The following PCDHA9 variants were observed in gnomAD, a reference collection of about 807,000 sequenced individuals.
The protein encoded by PCDHA9 is protocadherin alpha-9.
In PCDHA9, 62 loss-of-function variants were observed where a neutral mutation model predicts 62.0. The observed-to-expected ratio is 1.00, with a 90% CI of 0.81 to 1.23. PCDHA9 has a LOEUF of 1.23. PCDHA9 is among the 50% of genes most tolerant of loss of function. PCDHA9 has a pLI of 0.00. For missense variants in PCDHA9, 1,205 were observed against 1,249.8 expected (o/e 0.96, Z 0.54); for synonymous variants, 557 against 567.6 (o/e 0.98, Z 0.27).
rs557764399 is a variant in PCDHA9, at chr5:140,865,245, G to A, written c.2394+14356G>A. On this transcript the variant is annotated intron_variant, in intron 1 of 3. Coordinates refer to ENST00000532602, the MANE Select transcript of PCDHA9 (RefSeq NM_031857.2). ...GGATCCCAGAGAACACGTATTTATA[G>A]CTGTAAGGATGTGTATCAAATTATA... The A allele has an allele frequency of 1.1e-3, 171 of 152,250 alleles. 2 individuals are homozygous for A. The highest frequency in any genetic ancestry group is 3.6e-3 in the African/African-American group (148 of 41,542). 9.4% of individuals were successfully genotyped at this position (152,250 alleles called of 1,614,324 possible).
chr5:140,848,579 C>A lies in PCDHA9; in HGVS notation c.84C>A (p.Ser28Arg), dbSNP rs2150413279. Reference sequence around the variant, plus strand: ...TCCTCGCAATGTGGGTGGTGGGGAGCGGCCAGCTCCACTACTCCGTCCCGG... The same window carrying A: ...TCCTCGCAATGTGGGTGGTGGGGAGAGGCCAGCTCCACTACTCCGTCCCGG... ...LLILAMWVVG[S>R]GQLHYSVPEE... is the part of the protein sequence containing the mutation. The change falls in exon 1 of 4, where the codon AGC (serine) becomes AGA (arginine). Residue 28 changes from serine (S) to arginine (R), a missense_variant. Around this residue, in one of 3 missense-constraint regions of PCDHA9, gnomAD observed 208 missense variants for 213.2 expected, o/e 0.98. Transcript: ENST00000532602. 0.52 allele frequency: 831,192 copies of A among 1,591,790 alleles called. 256,408 individuals are homozygous for A. Among genetic ancestry groups the A allele is most frequent in the South Asian group, 0.62 (55,610 of 90,064 alleles).
chr5:140,977,325 G>A (rs1277032974), intron 1 of PCDHA9, among the ~76,000 whole-genome samples: 1 of 152,210 alleles, frequency 6.6e-6, no homozygotes, highest in African/African-American at 2.4e-5. Context: ...TCCTGATGGC[G>A]AGGGGAGAGA....
Position 140,960,269 on chromosome 5 carries a change from G to A in PCDHA9, c.2395-18680G>A, listed in dbSNP as rs148980300. On this transcript the variant is annotated intron_variant, in intron 1 of 3. Transcript: ENST00000532602. ...CTTCCTGGAGCTTCTGATAAATTCC[G>A]TCACCTTTTTGGGACCCAGTTTCTT... is the stretch of plus-strand genomic sequence containing the variant. Among the ~76,000 whole-genome samples, 355 of 152,162 alleles carry A rather than the reference G, an allele frequency of 2.3e-3. 1 individual carries two copies. The highest frequency in any genetic ancestry group is 7.0e-3 in the African/African-American group (290 of 41,548).
intron 1 of PCDHA9, among the ~76,000 whole-genome samples, chr5:140,943,341 G>T (rs1021651625): frequency 5.3e-5 from 8 of 151,780 alleles, no homozygotes; most frequent in African/African-American, 1.9e-4. Context: ...CATTGGACAG[G>T]ATGAGAGTAG....
chr5:140,979,076 C>T, intron 2 of PCDHA9, 69 bp downstream of exon 2: 1 of 1,584,068 alleles, frequency 6.3e-7, no homozygotes, highest in Non-Finnish European at 8.6e-7. Flanking sequence ...AACTGCATCT[C>T]CATAGGCCAG....
chr5:140,978,633 CA>C (rs2096813426), intron 1 of PCDHA9, among the ~76,000 whole-genome samples: 1 of 152,214 alleles, frequency 6.6e-6, no homozygotes, highest in South Asian at 2.1e-4. Context: ...TTTCCTTTCT[CA>C]AAGCAGACTG....
rs2150503431 is a variant in PCDHA9, at chr5:140,850,946, T to C, written c.2394+57T>C. 14 of 1,504,084 alleles carry C rather than the reference T, an allele frequency of 9.3e-6. 3 individuals are homozygous for C. Among genetic ancestry groups the C allele is most frequent in the Non-Finnish European group, 1.3e-5 (14 of 1,119,924 alleles). 93.2% of individuals were successfully genotyped at this position (1,504,084 alleles called of 1,614,324 possible). A position where few individuals can be genotyped will look rare whatever the true frequency, so the allele number is the denominator to read the frequency against. ...TAATTTTTTTTCTTGAAAGATATTA[T>C]CGATTACTCCCAGGGGCCGTTCAAA... On this transcript the variant is annotated intron_variant, in intron 1 of 3. Coordinates refer to ENST00000532602, the MANE Select transcript of PCDHA9 (RefSeq NM_031857.2).
At chr5:140,955,146 T>C (rs184262984) in intron 1 of PCDHA9, among the ~76,000 whole-genome samples, 10 of 152,338 alleles carry the variant, frequency 6.6e-5, no homozygotes, top group African/African-American at 2.4e-4. Context: ...TCTGTTTTTG[T>C]ACCAGTACCG....
chr5:140,863,120 C>T, intron 1 of PCDHA9: 4 of 591,460 alleles, frequency 6.8e-6, no homozygotes, highest in Non-Finnish European at 1.0e-5. Context: ...GCGAAAGCTA[C>T]GCGCCACCGC....
chr5:140,918,423 G>A (rs1450010103), intron 1 of PCDHA9, among the ~76,000 whole-genome samples: 2 of 152,076 alleles, frequency 1.3e-5, no homozygotes, highest in Admixed American at 1.3e-4. Context: ...CTTCCAGTAG[G>A]ATGTTGAATA....
intron 1 of PCDHA9, among the ~76,000 whole-genome samples, chr5:140,918,885 T>G (rs2078908612): frequency 6.6e-6 from 1 of 152,202 alleles, no homozygotes; most frequent in Non-Finnish European, 1.5e-5. Context: ...TCTAGAACAG[T>G]GAAAAATAAA....
At chr5:140,934,899 T>G (rs1320708660) in intron 1 of PCDHA9, among the ~76,000 whole-genome samples, 2 of 152,184 alleles carry the variant, frequency 1.3e-5, no homozygotes, top group Non-Finnish European at 2.9e-5. Flanking sequence ...AACCTTTTAT[T>G]TTGGAATAAT....
intron 1 of PCDHA9, among the ~76,000 whole-genome samples, chr5:140,924,437 T>C (rs2081836231): frequency 6.6e-6 from 1 of 152,206 alleles, no homozygotes; most frequent in Non-Finnish European, 1.5e-5. Flanking sequence ...CTAGAAGAGA[T>C]AACGAATGGG....
chr5:140,927,920 T>G (rs782193396), intron 1 of PCDHA9: 1 of 1,614,120 alleles, frequency 6.2e-7, no homozygotes, highest in Non-Finnish European at 8.5e-7. Flanking sequence ...CTGGACTTCC[T>G]GACTCTTTCG....
chr5:140,981,687 A>T (rs1283182396), intron 2 of PCDHA9, among the ~76,000 whole-genome samples: 1 of 151,972 alleles, frequency 6.6e-6, no homozygotes, highest in Non-Finnish European at 1.5e-5. Flanking sequence ...CCTCCCTTCC[A>T]TCATTCATTC....
chr5:140,905,652 T>A (rs1554192111), intron 1 of PCDHA9, among the ~76,000 whole-genome samples: 1 of 152,240 alleles, frequency 6.6e-6, no homozygotes, highest in East Asian at 1.9e-4. Flanking sequence ...CAGTATTGAT[T>A]CCTGTCATCC....
intron 1 of PCDHA9, chr5:140,881,408 T>A (rs1397596000): frequency 1.1e-6 from 1 of 949,826 alleles, no homozygotes; most frequent in Non-Finnish European, 1.3e-6. Flanking sequence ...ATTAAATCAA[T>A]AGGATATTAG....
chr5:140,870,271 C>T (rs2051826884), intron 1 of PCDHA9: 1 of 1,614,176 alleles, frequency 6.2e-7, no homozygotes, highest in Non-Finnish European at 8.5e-7. Flanking sequence ...CTCGCTGACG[C>T]CCCACGTTCC....
chr5:140,882,731 G>C, intron 1 of PCDHA9: 1 of 1,614,232 alleles, frequency 6.2e-7, no homozygotes, highest in Non-Finnish European at 8.5e-7. Flanking sequence ...ATTTCCACTA[G>C]ATGGCGCATC....
Sources: gnomAD v4.1 joint callset for allele counts (sites outside exome capture counted in the v4.1 genomes callset) on GRCh38, gnomAD v4.1.1 for gene constraint, gnomAD v4.1.1 regional missense constraint, MANE v1.5 for transcripts, NCBI Gene and HGNC (gene_info 2026-07-23, HGNC 2026-07-21) for gene names.